The following RMI1 variants were observed in gnomAD, a reference collection of about 807,000 sequenced individuals.
RMI1 encodes recQ-mediated genome instability protein 1.
A neutral mutation model predicts 46.7 loss-of-function variants in RMI1; 36 were observed. That is an observed-to-expected ratio of 0.77 (90% CI 0.59 to 1.02). The LOEUF (loss-of-function observed/expected upper bound fraction) is 1.02. RMI1 is among the 50% of genes least tolerant of loss of function. RMI1 has a pLI of 0.00. For synonymous variants in RMI1, 250 were observed against 252.9 expected (o/e 0.99, Z 0.11); for missense variants, 676 against 713.7 (o/e 0.95, Z 0.60).
chr9:83,991,598 A>G (rs1014832240), intron 1 of RMI1, among the ~76,000 whole-genome samples: 2 of 152,196 alleles, frequency 1.3e-5, no homozygotes, highest in Non-Finnish European at 2.9e-5. Context: ...GATTATAGGC[A>G]TGAGCCACCA....
At chr9:84,000,717 G>A (rs976061392) in intron 2 of RMI1, among the ~76,000 whole-genome samples, 6 of 152,090 alleles carry the variant, frequency 3.9e-5, no homozygotes, top group African/African-American at 1.4e-4. Flanking sequence ...TTTATATTAG[G>A]TCACATATCT....
chr9:83,986,643 T>A lies in RMI1; in HGVS notation c.-126+5752T>A, dbSNP rs528622023. Among the ~76,000 whole-genome samples, 3 of 152,368 alleles carry A rather than the reference T, an allele frequency of 2.0e-5. No homozygotes were observed. The South Asian group carries it at 6.2e-4, about 32-fold the overall frequency. ...AACATTGTAGATGTAGAAGTACATTTTTTATTGATATCTTTAAAAAAATTT... is the reference window on the plus strand; with the variant it reads ...AACATTGTAGATGTAGAAGTACATTATTTATTGATATCTTTAAAAAAATTT... On this transcript the variant is annotated intron_variant, in intron 1 of 2. Transcript: ENST00000445877.
intron 1 of RMI1, among the ~76,000 whole-genome samples, chr9:83,987,669 T>G (rs899495608): frequency 6.6e-6 from 1 of 152,214 alleles, no homozygotes; most frequent in African/African-American, 2.4e-5. Flanking sequence ...TTTCCACATT[T>G]CTGGCCTTTG....
In RMI1 at chr9:83,996,509, C is replaced by T. The variant is rs74957150; in HGVS notation, c.-125-3200C>T. The stretch of plus-strand genomic sequence containing the variant: ...AAGTTTGCCATCTGTTCCTGACCCA[C>T]GAAGATCTTACTCTTGTTATTGAGT... On this transcript the variant is annotated intron_variant, in intron 1 of 2. Coordinates refer to ENST00000445877, the MANE Select transcript of RMI1 (RefSeq NM_001358291.2). Among the ~76,000 whole-genome samples, 898 of 152,262 alleles carry T rather than the reference C, an allele frequency of 5.9e-3. 8 individuals carry two copies. Among genetic ancestry groups the T allele is most frequent in the African/African-American group, 0.021 (853 of 41,554 alleles).
rs771332257 is a variant in RMI1, at chr9:84,001,970, A to G, written c.984A>G (p.Lys328=). 1 of 1,613,836 alleles carries G rather than the reference A, an allele frequency of 6.2e-7. No individual in the cohort carries two copies. Among genetic ancestry groups the G allele is most frequent in the Non-Finnish European group, 8.5e-7 (1 of 1,179,866 alleles). ...TGCTTTTAGAAGAAACTGTCCAGAA[A>G]GAACAGATGGAAACTAAGGAATTGC... is the stretch of plus-strand genomic sequence containing the variant. The part of the protein sequence containing the change: ...EALLLEETVQ[K]EQMETKELQP... The change falls in exon 3 of 3, where the codon AAA becomes AAG. Residue 328 remains lysine, a synonymous_variant. Transcript: ENST00000445877.
chr9:83,985,745 A>T (rs1309108198), intron 1 of RMI1, among the ~76,000 whole-genome samples: 1 of 152,196 alleles, frequency 6.6e-6, no homozygotes, highest in East Asian at 1.9e-4. Context: ...GCGGTGGCTC[A>T]CGCCTGTAAT....
chr9:83,998,271 A>G (rs940465433), intron 1 of RMI1, among the ~76,000 whole-genome samples: 1 of 152,244 alleles, frequency 6.6e-6, no homozygotes, highest in Non-Finnish European at 1.5e-5. Flanking sequence ...AAAAATGTTT[A>G]TACTCTCATT....
chr9:83,983,743 A>G (rs1957451739), intron 1 of RMI1, among the ~76,000 whole-genome samples: 1 of 152,106 alleles, frequency 6.6e-6, no homozygotes. Flanking sequence ...ACAGATCTAG[A>G]ATGCAGATTA....
chr9:83,987,231 TTTTGTATG>T (rs917949411), intron 1 of RMI1, among the ~76,000 whole-genome samples: 3 of 152,116 alleles, frequency 2.0e-5, no homozygotes, highest in African/African-American at 7.2e-5. Context: ...CCCAGCTAAT[TTTTGTATG>T]TTTAGTAGAG....
rs112420862 is a variant in RMI1 at position 83,996,881 on chromosome 9, C to CT, written c.-125-2817dup. On this transcript the variant is annotated intron_variant, in intron 1 of 2. Transcript: ENST00000445877. ...GCAGAGAGGGAGAAGGTGCCACACA[C>CT]TTTTTTTTTTTAATCAGGCATTTAT... 5.2e-4 allele frequency among the ~76,000 whole-genome samples: 76 copies of CT among 146,236 alleles called. 1 individual carries two copies. The highest frequency in any genetic ancestry group is 7.0e-3 in the Middle Eastern group (2 of 286).
At chr9:83,998,189 T>C (rs1172708611) in intron 1 of RMI1, among the ~76,000 whole-genome samples, 1 of 152,304 alleles carries the variant, frequency 6.6e-6, no homozygotes, top group East Asian at 1.9e-4. Context: ...ACCTGCATAG[T>C]TTATCTTCAT....
chr9:83,985,313 T>C (rs778155462), intron 1 of RMI1, among the ~76,000 whole-genome samples: 4 of 152,248 alleles, frequency 2.6e-5, no homozygotes, highest in African/African-American at 4.8e-5. Flanking sequence ...AATCCTACTT[T>C]CTACTTTGTT....
chr9:83,981,006 T>C (rs2133089674), intron 1 of RMI1, 115 bp downstream of exon 1: 1 of 152,534 alleles, frequency 6.6e-6, no homozygotes, highest in Non-Finnish European at 1.5e-5. Context: ...TGCGGCGCGG[T>C]AAGTGCGGGC....
chr9:83,984,573 T>C (rs1957463746), intron 1 of RMI1, among the ~76,000 whole-genome samples: 2 of 150,750 alleles, frequency 1.3e-5, no homozygotes, highest in Admixed American at 1.3e-4. Context: ...TTTTTTCTTT[T>C]CTTTTGAGAC....
intron 1 of RMI1, among the ~76,000 whole-genome samples, chr9:83,982,696 A>C (rs1213623636): frequency 2.0e-5 from 3 of 151,440 alleles, no homozygotes; most frequent in South Asian, 2.1e-4. Flanking sequence ...AAAAAAAAAA[A>C]CCTCTTCCTC....
intron 1 of RMI1, among the ~76,000 whole-genome samples, chr9:83,993,341 T>C (rs927849454): frequency 2.0e-5 from 3 of 152,364 alleles, no homozygotes; most frequent in Middle Eastern, 3.4e-3. Flanking sequence ...ACTTCTTTTA[T>C]AATACTGAAC....
chr9:83,993,368 A>G (rs1342278248), intron 1 of RMI1, among the ~76,000 whole-genome samples: 1 of 152,166 alleles, frequency 6.6e-6, no homozygotes, highest in Non-Finnish European at 1.5e-5. Context: ...TGGTATGTAT[A>G]TGTTATGTTT....
At chr9:83,999,315 T>C (rs1292762719) in intron 1 of RMI1, among the ~76,000 whole-genome samples, 1 of 152,182 alleles carries the variant, frequency 6.6e-6, no homozygotes, top group Admixed American at 6.5e-5. Context: ...CAGGTGCTGC[T>C]TTTTTCATAT....
At chr9:83,986,553 C>G (rs1169279099) in intron 1 of RMI1, among the ~76,000 whole-genome samples, 1 of 152,132 alleles carries the variant, frequency 6.6e-6, no homozygotes, top group Non-Finnish European at 1.5e-5. Flanking sequence ...GCCTCAGTTT[C>G]ATCATTGTCA....
Sources: gnomAD v4.1 joint callset for allele counts (sites outside exome capture counted in the v4.1 genomes callset) on GRCh38, gnomAD v4.1.1 for gene constraint, MANE v1.5 for transcripts, NCBI Gene and HGNC (gene_info 2026-07-23, HGNC 2026-07-21) for gene names.